Variants in TBC1D1 observed in about 807,000 individuals in gnomAD.
The protein encoded by TBC1D1 is TBC1 (tre-2/USP6, BUB2, cdc16) domain family, member 1.
TBC1D1 carries 89 observed loss-of-function variants against 125.6 expected under a neutral mutation model. The ratio of observed to expected loss-of-function variants is 0.71; its 90% CI spans 0.60 to 0.85. The LOEUF (loss-of-function observed/expected upper bound fraction) is 0.85, where lower values mean the gene tolerates loss of function less well. Ranked by LOEUF, TBC1D1 falls within the 40% of genes least tolerant of loss-of-function variation. The pLI, the probability that TBC1D1 is intolerant of heterozygous loss-of-function variation, is 0.00. For missense variants in TBC1D1, 1,377 were observed against 1,469.2 expected, an observed-to-expected ratio of 0.94 and a Z score of 1.03; for synonymous variants, 565 against 564.1, an observed-to-expected ratio of 1.00 and a Z score of -0.02.
At chr4:38,046,850 C>G (rs1479755528) in intron 10 of TBC1D1, among the ~76,000 whole-genome samples, 1 of 152,124 alleles carries the variant, frequency 6.6e-6, no homozygotes, top group Non-Finnish European at 1.5e-5. Flanking sequence ...GCTAGGGAGG[C>G]CAGCTTTCCC....
chr4:38,108,994 C>T (rs1434267673), intron 15 of TBC1D1, among the ~76,000 whole-genome samples: 4 of 152,308 alleles, frequency 2.6e-5, no homozygotes, highest in East Asian at 3.9e-4. Context: ...AGAGCAGCAT[C>T]GTGCACTTTG....
In TBC1D1 at chr4:38,090,209, C is replaced by T. The variant is rs1758197746; in HGVS notation, c.2236+92C>T. The stretch of plus-strand genomic sequence containing the variant: ...ACATAAGCATGCTGTCTTAAAAATA[C>T]AGCAGCACGATAGTCTAATGTATAC... On this transcript the variant is annotated intron_variant, in intron 13 of 19. Transcript: ENST00000261439. 4.0e-6 allele frequency: 5 copies of T among 1,247,236 alleles called. No individual in the cohort carries two copies. In the East Asian group the frequency reaches 7.0e-5, roughly 17 times the overall value. 77.3% of individuals were successfully genotyped at this position (1,247,236 alleles called of 1,614,324 possible). A position where few individuals can be genotyped will look rare whatever the true frequency, so the allele number is the denominator to read the frequency against.
chr4:38,114,475 A>G (rs1762642814), intron 15 of TBC1D1, among the ~76,000 whole-genome samples: 3 of 152,256 alleles, frequency 2.0e-5, no homozygotes, highest in Admixed American at 2.0e-4. Context: ...GAATAATTGC[A>G]GTGAACAATT....
intron 2 of TBC1D1, among the ~76,000 whole-genome samples, chr4:37,920,945 C>G (rs1720817799): frequency 6.6e-6 from 1 of 151,870 alleles, no homozygotes; most frequent in Non-Finnish European, 1.5e-5. Flanking sequence ...CCTGTCTCTA[C>G]TAAAAATACA....
At chr4:37,965,589 G>A (rs1730909280) in intron 2 of TBC1D1, among the ~76,000 whole-genome samples, 1 of 152,026 alleles carries the variant, frequency 6.6e-6, no homozygotes, top group Non-Finnish European at 1.5e-5. Flanking sequence ...TGTTGTCCCT[G>A]AGAACAAGAA....
At position 37,902,107 on chromosome 4, in the gene TBC1D1, A is replaced by G; in HGVS notation, c.12A>G (p.Ile4Met). 6.2e-7 allele frequency: 1 copy of G among 1,600,728 alleles called. No homozygotes were observed. Among genetic ancestry groups the G allele is most frequent in the Non-Finnish European group, 8.5e-7 (1 of 1,173,950 alleles). ...AGACCCTTCCCAAGATGGAACCAAT[A>G]ACATTCACAGCAAGGAAACATCTGC... Residue 4 changes from isoleucine to methionine, a missense_variant, in exon 2 of 20, where the codon ATA (isoleucine) becomes ATG (methionine). By Grantham distance (10) the Ile-to-Met change is conservative. Transcript: ENST00000261439.
At chr4:38,003,287 TATG>T (rs1185445901) in intron 2 of TBC1D1, among the ~76,000 whole-genome samples, 1 of 152,210 alleles carries the variant, frequency 6.6e-6, no homozygotes, top group Non-Finnish European at 1.5e-5. Context: ...TGTGGGTGTT[TATG>T]ATGTCTAGGG....
At chr4:37,895,782 C>A (rs551892390) in intron 1 of TBC1D1, among the ~76,000 whole-genome samples, 1 of 152,150 alleles carries the variant, frequency 6.6e-6, no homozygotes, top group African/African-American at 2.4e-5. Context: ...GAAAGGCACA[C>A]CCCAGTACTA....
At chr4:38,021,180 G>A (rs910600406) in intron 5 of TBC1D1, among the ~76,000 whole-genome samples, 7 of 152,212 alleles carry the variant, frequency 4.6e-5, no homozygotes, top group African/African-American at 7.2e-5. Context: ...GCAGGGCAGC[G>A]TGTGCAGGGG....
intron 2 of TBC1D1, among the ~76,000 whole-genome samples, chr4:37,969,507 G>A (rs936610323): frequency 1.3e-5 from 2 of 152,148 alleles, no homozygotes; most frequent in East Asian, 3.9e-4. Context: ...CACCATGCCT[G>A]GCTAATTTTT....
At chr4:38,062,373 T>C (rs1373415868) in intron 12 of TBC1D1, among the ~76,000 whole-genome samples, 2 of 152,110 alleles carry the variant, frequency 1.3e-5, no homozygotes. Flanking sequence ...TTCTGAAATC[T>C]AGATGTTTTT....
At position 38,138,639 on chromosome 4, in the gene TBC1D1, G is replaced by A. The variant is rs917611457; in HGVS notation, c.*1304G>A. 9.8e-5 allele frequency: 15 copies of A among 152,776 alleles called. No individual in the cohort carries two copies. The highest frequency in any genetic ancestry group is 3.6e-4 in the African/African-American group (15 of 41,558). 9.5% of individuals were successfully genotyped at this position (152,776 alleles called of 1,614,324 possible). A position where few individuals can be genotyped will look rare whatever the true frequency, so the allele number is the denominator to read the frequency against. On this transcript the variant is annotated 3_prime_UTR_variant, in exon 20 of 20. Coordinates refer to ENST00000261439, the MANE Select transcript of TBC1D1 (RefSeq NM_015173.4). ...TCACTGTGTAAAGCCTCTCTGATGTGCACTTAAGAGTGGGTTGCTTTCTCA... is the reference window on the plus strand; with the variant it reads ...TCACTGTGTAAAGCCTCTCTGATGTACACTTAAGAGTGGGTTGCTTTCTCA...
intron 12 of TBC1D1, among the ~76,000 whole-genome samples, chr4:38,086,520 C>G (rs1195606753): frequency 2.6e-5 from 4 of 152,126 alleles, no homozygotes; most frequent in African/African-American, 9.7e-5. Flanking sequence ...TTATTTAGTT[C>G]ATGTAGAGGT....
chr4:37,928,979 G>A (rs1020058889), intron 2 of TBC1D1, among the ~76,000 whole-genome samples: 17 of 152,216 alleles, frequency 1.1e-4, no homozygotes, highest in African/African-American at 4.1e-4. Context: ...AACTGTGGGT[G>A]AGGAAACAAA....
At chr4:38,018,661 A>G (rs995926794) in intron 4 of TBC1D1, among the ~76,000 whole-genome samples, 2 of 152,208 alleles carry the variant, frequency 1.3e-5, no homozygotes, top group African/African-American at 2.4e-5. Flanking sequence ...ACAGTAATGG[A>G]CAAAATAGAT....
intron 2 of TBC1D1, among the ~76,000 whole-genome samples, chr4:37,964,307 A>C (rs1730648787): frequency 6.6e-6 from 1 of 152,224 alleles, no homozygotes; most frequent in African/African-American, 2.4e-5. Context: ...GCTTCAGTGC[A>C]TGCACCACAG....
chr4:38,101,395 A>C (rs2114014), intron 14 of TBC1D1, among the ~76,000 whole-genome samples: 1 of 152,012 alleles, frequency 6.6e-6, no homozygotes, highest in South Asian at 2.1e-4. Context: ...TTGGCCTTGT[A>C]ATAGCTGAGT....
chr4:38,055,780 C>T (rs963108587), intron 12 of TBC1D1, among the ~76,000 whole-genome samples: 9 of 152,176 alleles, frequency 5.9e-5, no homozygotes, highest in African/African-American at 1.7e-4. Context: ...GTCTGCTTAC[C>T]GCAAAGAAGG....
At chr4:38,062,519 C>G (rs1752946355) in intron 12 of TBC1D1, among the ~76,000 whole-genome samples, 1 of 152,026 alleles carries the variant, frequency 6.6e-6, no homozygotes, top group South Asian at 2.1e-4. Flanking sequence ...TGAACAAAGA[C>G]CAGGTTCAAG....
Sources: gnomAD v4.1 joint callset for allele counts (sites outside exome capture counted in the v4.1 genomes callset) on GRCh38, gnomAD v4.1.1 for gene constraint, MANE v1.5 for transcripts, NCBI Gene and HGNC (gene_info 2026-07-23, HGNC 2026-07-21) for gene names.